Variants in STPG2 observed in about 807,000 individuals in gnomAD.
STPG2 encodes sperm tail PG-rich repeat containing 2.
In STPG2, 56 loss-of-function variants were observed where a neutral mutation model predicts 54.2. The ratio of observed to expected loss-of-function variants is 1.03; its 90% CI spans 0.83 to 1.29. The LOEUF (loss-of-function observed/expected upper bound fraction) is 1.29, where lower values mean the gene tolerates loss of function less well. Ranked by LOEUF, STPG2 falls within the 50% of genes most tolerant of loss-of-function variation. STPG2 has a pLI of 0.00. For missense variants in STPG2, 596 were observed against 544.9 expected (o/e 1.09, Z -0.93); for synonymous variants, 200 against 181.8 (o/e 1.10, Z -0.81).
chr4:97,967,070 G>A (rs1734128511), intron 7 of STPG2, among the ~76,000 whole-genome samples: 1 of 151,614 alleles, frequency 6.6e-6, no homozygotes, highest in African/African-American at 2.4e-5. Context: ...TGGGCAAATT[G>A]GATAAAGGGT....
intron 5 of STPG2, among the ~76,000 whole-genome samples, chr4:98,001,581 T>C (rs1735417577): frequency 6.6e-6 from 1 of 152,020 alleles, no homozygotes; most frequent in Non-Finnish European, 1.5e-5. Context: ...GGGTTATAAA[T>C]CTCAAATGAA....
chr4:98,093,878 G>T (rs1738763136), intron 5 of STPG2, among the ~76,000 whole-genome samples: 1 of 152,176 alleles, frequency 6.6e-6, no homozygotes, highest in African/African-American at 2.4e-5. Flanking sequence ...AGCCAGAGGG[G>T]AATCACCCAT....
intron 4 of STPG2, among the ~76,000 whole-genome samples, chr4:97,508,785 A>C (rs1263165590): frequency 6.6e-6 from 1 of 152,100 alleles, no homozygotes; most frequent in East Asian, 1.9e-4. Flanking sequence ...ATTATGAACT[A>C]AAATTTACCT....
At chr4:97,982,546 T>C (rs911780481) in intron 5 of STPG2, among the ~76,000 whole-genome samples, 1 of 152,326 alleles carries the variant, frequency 6.6e-6, no homozygotes. Flanking sequence ...AATGATCTAA[T>C]GCTTTCATGT....
At chr4:97,924,551 A>G (rs568884335) in intron 8 of STPG2, among the ~76,000 whole-genome samples, 1 of 152,342 alleles carries the variant, frequency 6.6e-6, no homozygotes, top group South Asian at 2.1e-4. Flanking sequence ...CCAGCATTAA[A>G]GATGACAGCC....
chr4:98,117,541 T>A (rs1423763368), intron 3 of STPG2, among the ~76,000 whole-genome samples: 1 of 152,016 alleles, frequency 6.6e-6, no homozygotes, highest in Non-Finnish European at 1.5e-5. Context: ...GCTTCTGGGA[T>A]TCCCATTATG....
intron 10 of STPG2, among the ~76,000 whole-genome samples, chr4:97,562,021 T>C (rs1352798333): frequency 6.6e-6 from 1 of 152,164 alleles, no homozygotes; most frequent in East Asian, 1.9e-4. Flanking sequence ...AATCTATAAA[T>C]TACATTGGGC....
rs546099104 is a variant in STPG2, at chr4:97,738,049, C to T, written c.1205-25235G>A. Among the ~76,000 whole-genome samples, 5 of 152,202 alleles carry T rather than the reference C, an allele frequency of 3.3e-5. No individual in the cohort carries two copies. The South Asian group carries it at 8.3e-4, about 25-fold the overall frequency. Reference sequence around the variant, plus strand: ...TCTACAAGCCAGAAGAGAGCGAAGGCCAATATTCAACATTCTTAAAGAAAA... The same window carrying T: ...TCTACAAGCCAGAAGAGAGCGAAGGTCAATATTCAACATTCTTAAAGAAAA... On this transcript the variant is annotated intron_variant, in intron 9 of 10. Transcript: ENST00000295268.
chr4:97,562,532 G>A (rs533279392), intron 10 of STPG2, among the ~76,000 whole-genome samples: 1 of 152,178 alleles, frequency 6.6e-6, no homozygotes, highest in African/African-American at 2.4e-5. Flanking sequence ...TTTTCAAAGG[G>A]AATGCTTGCA....
chr4:97,876,366 C>T (rs1275689212), intron 8 of STPG2, among the ~76,000 whole-genome samples: 6 of 151,998 alleles, frequency 3.9e-5, no homozygotes, highest in Admixed American at 3.3e-4. Context: ...CTCAAATGTG[C>T]AAATTCAGAT....
intron 4 of STPG2, among the ~76,000 whole-genome samples, chr4:97,505,199 T>C (rs1730818233): frequency 6.6e-6 from 1 of 152,022 alleles, no homozygotes; most frequent in South Asian, 2.1e-4. Flanking sequence ...TTCATTTTTT[T>C]CTTTTGTCTT....
At chr4:98,085,100 T>A (rs1349012711) in intron 5 of STPG2, among the ~76,000 whole-genome samples, 1 of 152,118 alleles carries the variant, frequency 6.6e-6, no homozygotes, top group Non-Finnish European at 1.5e-5. Context: ...CCATTTTGAA[T>A]TAATTTTTTT....
At chr4:97,841,050 T>A in intron 8 of STPG2, 118 bp from the exon 9 acceptor site, 1 of 948,370 alleles carries the variant, frequency 1.1e-6, no homozygotes, top group East Asian at 3.1e-5. Context: ...CTTTTATTAA[T>A]TAAACATTAA....
chr4:98,098,854 C>G (rs1738939023), intron 5 of STPG2, among the ~76,000 whole-genome samples: 1 of 152,002 alleles, frequency 6.6e-6, no homozygotes, highest in Non-Finnish European at 1.5e-5. Context: ...CAAATGGCAA[C>G]AAGCCTATGA....
intron 4 of STPG2, among the ~76,000 whole-genome samples, chr4:97,504,291 G>C (rs115448451): frequency 6.7e-6 from 1 of 150,110 alleles, no homozygotes; most frequent in African/African-American, 2.4e-5. Context: ...GATTACATGG[G>C]AAAGGAATAG....
intron 10 of STPG2, among the ~76,000 whole-genome samples, chr4:97,706,350 G>A (rs571741824): frequency 3.0e-4 from 45 of 152,248 alleles, no homozygotes; most frequent in African/African-American, 8.4e-4. Flanking sequence ...GATAGTATTA[G>A]AAAGTTGGCA....
At chr4:98,118,007 AC>A (rs1335158772) in intron 3 of STPG2, among the ~76,000 whole-genome samples, 1 of 152,032 alleles carries the variant, frequency 6.6e-6, no homozygotes, top group African/African-American at 2.4e-5. Flanking sequence ...CTTTGCTGAA[AC>A]CAGATATTTT....
At chr4:97,945,089 C>G (rs1477726314) in intron 7 of STPG2, among the ~76,000 whole-genome samples, 2 of 152,044 alleles carry the variant, frequency 1.3e-5, no homozygotes, top group African/African-American at 4.8e-5. Flanking sequence ...TTTTGGGGTA[C>G]AAGTGGTTTT....
At chr4:98,109,124 AGTCT>A in intron 4 of STPG2, 65 bp downstream of exon 4, 3 of 921,858 alleles carry the variant, frequency 3.3e-6, no homozygotes, top group Non-Finnish European at 4.8e-6. Context: ...AGCATAGCCT[AGTCT>A]GAATTATTAA....
Sources: allele counts gnomAD v4.1 joint callset (sites outside exome capture counted in the v4.1 genomes callset), GRCh38; gene constraint gnomAD v4.1.1; transcripts MANE v1.5; gene names NCBI Gene and HGNC (gene_info 2026-07-23, HGNC 2026-07-21).